FHIT: variants seen among roughly 807,000 people sequenced by gnomAD.
FHIT encodes bis(5'-adenosyl)-triphosphatase.
In FHIT, 19 loss-of-function variants were observed where a neutral mutation model predicts 17.9. That is an observed-to-expected ratio of 1.06 (90% CI 0.74 to 1.56). FHIT has a LOEUF of 1.56. Ranked by LOEUF, FHIT falls within the 40% of genes most tolerant of loss-of-function variation. The probability of loss-of-function intolerance (pLI) is 0.00; values close to 1 mark genes in which losing one functional copy is unlikely to be tolerated. For synonymous variants in FHIT, 81 were observed against 69.7 expected, an observed-to-expected ratio of 1.16 and a Z score of -0.81; for missense variants, 248 against 189.2, an observed-to-expected ratio of 1.31 and a Z score of -1.82.
chr3:60,619,861 C>T (rs1037720603), intron 4 of FHIT, among the ~76,000 whole-genome samples: 1 of 152,064 alleles, frequency 6.6e-6, no homozygotes, highest in African/African-American at 2.4e-5. Context: ...ATATAAGACA[C>T]TGTCAACTGA....
chr3:60,913,172 G>A (rs958096332), intron 3 of FHIT, among the ~76,000 whole-genome samples: 3 of 152,180 alleles, frequency 2.0e-5, no homozygotes, highest in Admixed American at 6.5e-5. Context: ...AAGAAAACAC[G>A]ACTTGCCCAG....
chr3:61,200,500 T>C (rs1404874251), intron 2 of FHIT, 117 bp downstream of exon 2: 1 of 152,630 alleles, frequency 6.6e-6, no homozygotes, highest in Non-Finnish European at 1.5e-5. Flanking sequence ...AAGCAGGTGG[T>C]TAAGGAAGTT....
Position 60,189,356 on chromosome 3 carries a change from G to A in FHIT, c.104-175204C>T, listed in dbSNP as rs140278269. The stretch of plus-strand genomic sequence containing the variant: ...CCTTTTCAGTGAATAAATTGCATGT[G>A]GCAATGTAATTTTCTTAAAGTCACT... On this transcript the variant is annotated intron_variant, in intron 5 of 9. Coordinates refer to ENST00000492590, the MANE Select transcript of FHIT (RefSeq NM_002012.4). Among the ~76,000 whole-genome samples, 457 of 152,152 alleles carry A rather than the reference G, an allele frequency of 3.0e-3. 4 individuals carry two copies. Among genetic ancestry groups the A allele is most frequent in the Middle Eastern group, 0.014 (4 of 294 alleles).
chr3:60,711,255 A>C (rs2041522299), intron 4 of FHIT, among the ~76,000 whole-genome samples: 3 of 152,206 alleles, frequency 2.0e-5, no homozygotes, highest in African/African-American at 7.2e-5. Context: ...AAGGACATCC[A>C]CACCAAAAAC....
In FHIT at chr3:60,321,354, T is replaced by G. The variant is rs213383; in HGVS notation, c.103+215506A>C. 2.0e-5 allele frequency among the ~76,000 whole-genome samples: 3 copies of G among 151,846 alleles called. No homozygotes were observed. In the East Asian group the frequency reaches 5.8e-4, roughly 29 times the overall value. ...AGCCAGGCGTGGTGGCATACACCTG[T>G]AGTCTCAGCTACTCAGTAGGCTGAG... is the stretch of plus-strand genomic sequence containing the variant. On this transcript the variant is annotated intron_variant, in intron 5 of 9. Transcript: ENST00000492590.
intron 5 of FHIT, among the ~76,000 whole-genome samples, chr3:60,458,339 C>G (rs774138641): frequency 6.6e-6 from 1 of 151,488 alleles, no homozygotes; most frequent in Non-Finnish European, 1.5e-5. Context: ...GGACAAAAAA[C>G]CAAACACCGC....
intron 4 of FHIT, among the ~76,000 whole-genome samples, chr3:60,740,840 T>C (rs2042225655): frequency 6.6e-6 from 1 of 152,142 alleles, no homozygotes; most frequent in Non-Finnish European, 1.5e-5. Flanking sequence ...AAATGGCCAT[T>C]TGGGCCACTT....
chr3:60,132,813 T>C, intron 5 of FHIT, among the ~76,000 whole-genome samples: 1 of 152,246 alleles, frequency 6.6e-6, no homozygotes, highest in Middle Eastern at 3.4e-3. Flanking sequence ...TAATCCACCA[T>C]AATATAGTAG....
chr3:60,173,352 T>C (rs1226698468), intron 5 of FHIT, among the ~76,000 whole-genome samples: 1 of 152,166 alleles, frequency 6.6e-6, no homozygotes, highest in East Asian at 1.9e-4. Flanking sequence ...ATACTTGTGG[T>C]AGTGCAGTTT....
At chr3:59,939,037 G>C (rs17374559) in intron 7 of FHIT, among the ~76,000 whole-genome samples, 20,754 of 152,178 alleles carry the variant, frequency 0.14, 1,782 homozygotes, top group Middle Eastern at 0.24. Context: ...AGGCACAAAC[G>C]ATGAATACTG....
intron 3 of FHIT, among the ~76,000 whole-genome samples, chr3:60,929,767 T>C (rs9809234): frequency 0.6 from 91,446 of 151,980 alleles, 27,844 homozygotes; most frequent in East Asian, 0.73. Flanking sequence ...GAATCAATAT[T>C]GTGAAAATGG....
chr3:60,124,403 A>G (rs113093849), intron 5 of FHIT, among the ~76,000 whole-genome samples: 11 of 152,124 alleles, frequency 7.2e-5, no homozygotes, highest in African/African-American at 2.6e-4. Flanking sequence ...AAATACTTGA[A>G]TCTTCTGTTT....
chr3:59,866,585 G>A (rs1702662176), intron 8 of FHIT, among the ~76,000 whole-genome samples: 1 of 152,300 alleles, frequency 6.6e-6, no homozygotes, highest in South Asian at 2.1e-4. Flanking sequence ...CCAGGACCTG[G>A]AAGAGAGTTG....
intron 8 of FHIT, among the ~76,000 whole-genome samples, chr3:59,871,277 T>A (rs1702910889): frequency 6.6e-6 from 1 of 152,166 alleles, no homozygotes; most frequent in African/African-American, 2.4e-5. Flanking sequence ...GAGAGCAATA[T>A]CAGAGAGCAT....
chr3:60,533,903 C>G (rs1021613271), intron 5 of FHIT, among the ~76,000 whole-genome samples: 1 of 152,148 alleles, frequency 6.6e-6, no homozygotes, highest in East Asian at 1.9e-4. Context: ...AAGTTATAGG[C>G]TACATTGGAA....
intron 7 of FHIT, among the ~76,000 whole-genome samples, chr3:59,954,010 C>G (rs1707262201): frequency 6.6e-6 from 1 of 152,174 alleles, no homozygotes; most frequent in African/African-American, 2.4e-5. Flanking sequence ...ATTTGTGAAA[C>G]TTGTATTCCA....
At chr3:61,122,955 A>G (rs2036501669) in intron 2 of FHIT, among the ~76,000 whole-genome samples, 1 of 152,196 alleles carries the variant, frequency 6.6e-6, no homozygotes, top group Non-Finnish European at 1.5e-5. Flanking sequence ...CGATTCCTCA[A>G]GGATCTAGAA....
chr3:59,915,822 C>T (rs1414372933), intron 8 of FHIT, among the ~76,000 whole-genome samples: 2 of 151,866 alleles, frequency 1.3e-5, no homozygotes, highest in Non-Finnish European at 2.9e-5. Flanking sequence ...GTCCTAGCCA[C>T]TCAGGAGGCT....
chr3:59,893,904 G>A (rs191867399), intron 8 of FHIT, among the ~76,000 whole-genome samples: 19 of 152,260 alleles, frequency 1.2e-4, no homozygotes, highest in Admixed American at 5.9e-4. Context: ...TGAGGAGTCC[G>A]AGGCCATATT....
Sources: allele counts gnomAD v4.1 joint callset (sites outside exome capture counted in the v4.1 genomes callset), GRCh38; gene constraint gnomAD v4.1.1; transcripts MANE v1.5; gene names NCBI Gene and HGNC (gene_info 2026-07-23, HGNC 2026-07-21).